Variants in SEMA3A observed in about 807,000 individuals in gnomAD.
The protein encoded by SEMA3A is semaphorin-3A.
SEMA3A carries 29 observed loss-of-function variants against 97.9 expected under a neutral mutation model. The ratio of observed to expected loss-of-function variants is 0.30; its 90% CI spans 0.22 to 0.40. The LOEUF (loss-of-function observed/expected upper bound fraction) is 0.40. SEMA3A is among the 10% of genes least tolerant of loss of function. The pLI is 1.00. For missense variants in SEMA3A, 763 were observed against 951.3 expected, an observed-to-expected ratio of 0.80 and a Z score of 2.60; for synonymous variants, 321 against 323.7, an observed-to-expected ratio of 0.99 and a Z score of 0.09.
intron 1 of SEMA3A, among the ~76,000 whole-genome samples, chr7:84,180,349 C>T (rs1797704349): frequency 6.6e-6 from 1 of 151,960 alleles, no homozygotes; most frequent in African/African-American, 2.4e-5. Flanking sequence ...TCTAGCAGAA[C>T]ATAGAATTAA....
intron 3 of SEMA3A, among the ~76,000 whole-genome samples, chr7:84,201,446 T>C (rs1468174698): frequency 6.6e-6 from 1 of 152,038 alleles, no homozygotes; most frequent in African/African-American, 2.4e-5. Context: ...ACTTCAATTA[T>C]TTTTATTCCA....
chr7:84,325,944 C>T (rs1328011654), intron 2 of SEMA3A, among the ~76,000 whole-genome samples: 2 of 152,034 alleles, frequency 1.3e-5, no homozygotes, highest in Non-Finnish European at 2.9e-5. Context: ...CACTGTTCTG[C>T]TCTCAGCTTC....
intron 2 of SEMA3A, among the ~76,000 whole-genome samples, chr7:84,356,426 T>G (rs1310509098): frequency 6.6e-6 from 1 of 151,530 alleles, no homozygotes; most frequent in African/African-American, 2.4e-5. Flanking sequence ...CTCTACTTTT[T>G]AACATATTGT....
intron 1 of SEMA3A, among the ~76,000 whole-genome samples, chr7:84,160,125 G>A (rs887982793): frequency 1.3e-4 from 19 of 151,908 alleles, no homozygotes; most frequent in African/African-American, 2.9e-4. Context: ...GAATTATAAC[G>A]ATTCCACATT....
chr7:84,062,586 G>C (rs1793276126), intron 4 of SEMA3A, among the ~76,000 whole-genome samples: 1 of 152,236 alleles, frequency 6.6e-6, no homozygotes, highest in Non-Finnish European at 1.5e-5. Context: ...CCGAAGCAGG[G>C]CGAGGCATTG....
At position 84,007,350 on chromosome 7, in the gene SEMA3A, T is replaced by C. The variant is rs1210760215; in HGVS notation, c.1140+3A>G. The C allele has an allele frequency of 4.4e-6, 7 of 1,594,218 alleles. No individual in the cohort carries two copies. In the South Asian group the frequency reaches 6.9e-5, roughly 16 times the overall value. ...TCATATTTTAAACACCTAAGCTACTTACAGTTCCTGGCCGTGGATAGGGGA... is the reference window on the plus strand; with the variant it reads ...TCATATTTTAAACACCTAAGCTACTCACAGTTCCTGGCCGTGGATAGGGGA... On this transcript the variant is annotated splice_donor_region_variant and intron_variant, in intron 10 of 16. Coordinates refer to ENST00000265362, the MANE Select transcript of SEMA3A (RefSeq NM_006080.3).
At chr7:84,085,490 AAAT>A (rs1794304967) in intron 4 of SEMA3A, among the ~76,000 whole-genome samples, 1 of 152,110 alleles carries the variant, frequency 6.6e-6, no homozygotes, top group South Asian at 2.1e-4. Context: ...AGGAGAAGAG[AAAT>A]AATGATAGGA....
chr7:84,036,354 TATAACAGTTCCTTGAACCTAGTGG>T (rs1167765692), intron 6 of SEMA3A, among the ~76,000 whole-genome samples: 2 of 152,274 alleles, frequency 1.3e-5, no homozygotes, highest in East Asian at 3.9e-4. Flanking sequence ...TTTTGTTTCT[TATAACAGTTCCTTGAACCTAGTGG>T]ATGCTATTTG....
At chr7:84,401,853 A>G (rs1458941380) in intron 1 of SEMA3A, among the ~76,000 whole-genome samples, 1 of 152,230 alleles carries the variant, frequency 6.6e-6, no homozygotes, top group African/African-American at 2.4e-5. Context: ...CATATAAAAA[A>G]TCAACTCTGG....
chr7:84,078,898 G>C (rs1794049851), intron 4 of SEMA3A, among the ~76,000 whole-genome samples: 1 of 152,016 alleles, frequency 6.6e-6, no homozygotes, highest in South Asian at 2.1e-4. Flanking sequence ...AATACAGGCA[G>C]GGCGGTTCTT....
At chr7:84,157,427 A>T (rs532796222) in intron 1 of SEMA3A, among the ~76,000 whole-genome samples, 1 of 151,824 alleles carries the variant, frequency 6.6e-6, no homozygotes, top group African/African-American at 2.4e-5. Context: ...ATTCACACGC[A>T]CGGTTTTGTT....
At chr7:84,436,206 A>G (rs943781023) in intron 1 of SEMA3A, among the ~76,000 whole-genome samples, 5 of 152,198 alleles carry the variant, frequency 3.3e-5, no homozygotes, top group African/African-American at 1.2e-4. Context: ...ATTTAAATGT[A>G]AGACATTAAA....
intron 3 of SEMA3A, among the ~76,000 whole-genome samples, chr7:84,123,284 T>C (rs1795683599): frequency 6.6e-6 from 1 of 152,100 alleles, no homozygotes; most frequent in African/African-American, 2.4e-5. Context: ...GGAGTAACGG[T>C]GAATAACAGC....
chr7:84,437,171 A>C (rs1007086845), intron 1 of SEMA3A, among the ~76,000 whole-genome samples: 1 of 152,100 alleles, frequency 6.6e-6, no homozygotes, highest in Non-Finnish European at 1.5e-5. Context: ...TAAACAATGA[A>C]TGATCTATGG....
chr7:84,488,948 G>A (rs1208285068), intron 1 of SEMA3A: 2 of 152,100 alleles, frequency 1.3e-5, no homozygotes, highest in East Asian at 1.9e-4. Flanking sequence ...AGTACAGTCC[G>A]GTGGTTGGGG....
chr7:84,156,385 C>G (rs902267975), intron 1 of SEMA3A, among the ~76,000 whole-genome samples: 2 of 152,102 alleles, frequency 1.3e-5, no homozygotes, highest in Admixed American at 1.3e-4. Context: ...TCATGAACCT[C>G]TGAAAGTGTG....
chr7:84,102,737 C>T (rs1794996179), intron 4 of SEMA3A, among the ~76,000 whole-genome samples: 2 of 151,834 alleles, frequency 1.3e-5, no homozygotes, highest in South Asian at 2.1e-4. Context: ...CCCGCCACCA[C>T]ACCTGGCTAT....
intron 3 of SEMA3A, among the ~76,000 whole-genome samples, chr7:84,267,779 CAT>C (rs765944777): frequency 1.5e-4 from 23 of 152,174 alleles, no homozygotes; most frequent in Admixed American, 3.9e-4. Context: ...AACACATACA[CAT>C]AGACTACTTA....
chr7:84,224,962 T>C (rs1421584279), intron 3 of SEMA3A, among the ~76,000 whole-genome samples: 3 of 151,728 alleles, frequency 2.0e-5, no homozygotes, highest in African/African-American at 4.9e-5. Context: ...TAGCCCCCCC[T>C]AGTATATGTA....
Sources: gnomAD v4.1 joint callset for allele counts (sites outside exome capture counted in the v4.1 genomes callset) on GRCh38, gnomAD v4.1.1 for gene constraint, MANE v1.5 for transcripts, NCBI Gene and HGNC (gene_info 2026-07-23, HGNC 2026-07-21) for gene names.